Variants in FOXK1 observed in about 807,000 individuals in gnomAD.
FOXK1 encodes forkhead box K1.
In FOXK1, 19 loss-of-function variants were observed where a neutral mutation model predicts 51.9. That is an observed-to-expected ratio of 0.37 (90% confidence interval 0.26 to 0.54). FOXK1 has a LOEUF of 0.54. Ranked by LOEUF, FOXK1 falls within the 20% of genes least tolerant of loss-of-function variation. The pLI, the probability that FOXK1 is intolerant of heterozygous loss-of-function variation, is 0.87. For synonymous variants in FOXK1, 537 were observed against 482.6 expected, an observed-to-expected ratio of 1.11 and a Z score of -1.48; for missense variants, 870 against 1,032.7, an observed-to-expected ratio of 0.84 and a Z score of 2.16.
rs932808319 is a variant in FOXK1 at position 4,745,202 on chromosome 7, G to A, written c.746+4179G>A. Among the ~76,000 whole-genome samples, 6 of 152,116 alleles carry A rather than the reference G, an allele frequency of 3.9e-5. No homozygotes were observed. The highest frequency in any genetic ancestry group is 6.5e-5 in the Admixed American group (1 of 15,278). On this transcript the variant is annotated intron_variant, in intron 2 of 8. Transcript: ENST00000328914. The surrounding 1 kb of genome is among the most constrained non-coding windows in gnomAD (Gnocchi z 4.3). ...CCCCTCCCAGTGCCGCCCCGCCCCC[G>A]CGGTGCCTGCCTTCCTAATTTGGTG...
intron 2 of FOXK1, among the ~76,000 whole-genome samples, chr7:4,751,480 G>T (rs559895524): frequency 6.6e-6 from 1 of 152,340 alleles, no homozygotes; most frequent in East Asian, 1.9e-4. Context: ...CCCTGGCTGG[G>T]CGCCCTCAGA....
intron 1 of FOXK1, among the ~76,000 whole-genome samples, chr7:4,698,437 C>A (rs1362333645): frequency 6.6e-6 from 1 of 151,912 alleles, no homozygotes; most frequent in African/African-American, 2.4e-5. Context: ...CACACCTACC[C>A]CAGGACACCC....
At position 4,762,568 on chromosome 7, in the gene FOXK1, G is replaced by A. The variant is rs569231049; in HGVS notation, c.*104G>A. 3.1e-5 allele frequency: 37 copies of A among 1,197,162 alleles called. No homozygotes were observed. The highest frequency in any genetic ancestry group is 2.0e-4 in the African/African-American group (13 of 65,072). 74.2% of individuals were successfully genotyped at this position (1,197,162 alleles called of 1,614,324 possible). ...CCACAGACGGAGGAGAACAGCCCGCGGCGGCCTGTGGGCATCGGCGGCACC... is the reference window on the plus strand; with the variant it reads ...CCACAGACGGAGGAGAACAGCCCGCAGCGGCCTGTGGGCATCGGCGGCACC... On this transcript the variant is annotated 3_prime_UTR_variant, in exon 9 of 9. Coordinates refer to ENST00000328914, the MANE Select transcript of FOXK1 (RefSeq NM_001037165.2). This position sits in a 1 kb window ranked among gnomAD's most constrained non-coding sequence, Gnocchi z 5.7.
At chr7:4,740,384 C>A (rs540269483) in intron 1 of FOXK1, among the ~76,000 whole-genome samples, 1 of 150,264 alleles carries the variant, frequency 6.7e-6, no homozygotes, top group Admixed American at 6.7e-5. Flanking sequence ...GAGCTGAGAT[C>A]GTGTCCCTGC....
chr7:4,749,256 TCTC>T lies in FOXK1; in HGVS notation c.747-5198_747-5196del, dbSNP rs1470692326. On this transcript the variant is annotated intron_variant, in intron 2 of 8. Coordinates refer to ENST00000328914, the MANE Select transcript of FOXK1 (RefSeq NM_001037165.2). This position sits in a 1 kb window ranked among gnomAD's most constrained non-coding sequence, Gnocchi z 6.0. ...CCCTAGGGACGGGAACCATGTTTCA[TCTC>T]CTCCCAAGCTCCCGTAGGCTTCCCT... 1.3e-5 allele frequency among the ~76,000 whole-genome samples: 2 copies of T among 152,180 alleles called. No individual in the cohort carries two copies. Among genetic ancestry groups the T allele is most frequent in the Non-Finnish European group, 2.9e-5 (2 of 68,026 alleles).
chr7:4,690,355 A>T (rs907495642), intron 1 of FOXK1, among the ~76,000 whole-genome samples: 1 of 152,268 alleles, frequency 6.6e-6, no homozygotes, highest in African/African-American at 2.4e-5. Flanking sequence ...CGGCATCTCC[A>T]AATAAAGGCT....
chr7:4,686,250 G>T (rs1194318116), intron 1 of FOXK1, among the ~76,000 whole-genome samples: 2 of 152,166 alleles, frequency 1.3e-5, no homozygotes, highest in Non-Finnish European at 2.9e-5. Context: ...GGTCTATGTT[G>T]TGTTGGTGCC....
rs1310948870 is a variant in FOXK1 at position 4,729,441 on chromosome 7, G to A, written c.561-11397G>A. On this transcript the variant is annotated intron_variant, in intron 1 of 8. Coordinates refer to ENST00000328914, the MANE Select transcript of FOXK1 (RefSeq NM_001037165.2). This position sits in a 1 kb window ranked among gnomAD's most constrained non-coding sequence, Gnocchi z 6.2. Reference sequence around the variant, plus strand: ...CACCTACCAGATGAGCGTTCCTTCCGCGAAGGGAAGGTGGGGGGATTTTGA... The same window carrying A: ...CACCTACCAGATGAGCGTTCCTTCCACGAAGGGAAGGTGGGGGGATTTTGA... Among the ~76,000 whole-genome samples the A allele has an allele frequency of 6.6e-6, 1 of 152,176 alleles. No homozygotes were observed. The highest frequency in any genetic ancestry group is 1.9e-4 in the East Asian group (1 of 5,174).
At chr7:4,691,721 C>T (rs976961610) in intron 1 of FOXK1, among the ~76,000 whole-genome samples, 1 of 152,150 alleles carries the variant, frequency 6.6e-6, no homozygotes, top group Non-Finnish European at 1.5e-5. Context: ...GGTGAACTGT[C>T]TTCCATCTGT....
chr7:4,745,190 C>T lies in FOXK1; in HGVS notation c.746+4167C>T, dbSNP rs1379410447. Among the ~76,000 whole-genome samples, 1 of 152,324 alleles carries T rather than the reference C, an allele frequency of 6.6e-6. No homozygotes were observed. The highest frequency in any genetic ancestry group is 2.4e-5 in the African/African-American group (1 of 41,588). ...CTGCAAGGCTGTCCCCTCCCAGTGC[C>T]GCCCCGCCCCCGCGGTGCCTGCCTT... On this transcript the variant is annotated intron_variant, in intron 2 of 8. Coordinates refer to ENST00000328914, the MANE Select transcript of FOXK1 (RefSeq NM_001037165.2). This position sits in a 1 kb window ranked among gnomAD's most constrained non-coding sequence, Gnocchi z 4.3.
intron 1 of FOXK1, among the ~76,000 whole-genome samples, chr7:4,684,563 TTC>T (rs903904888): frequency 2.0e-5 from 3 of 152,108 alleles, no homozygotes; most frequent in African/African-American, 7.2e-5. Context: ...TATTAGTGTG[TTC>T]TCTCTCTTCC....
intron 2 of FOXK1, among the ~76,000 whole-genome samples, chr7:4,741,980 T>A (rs1024103995): frequency 1.3e-5 from 2 of 152,272 alleles, no homozygotes; most frequent in African/African-American, 4.8e-5. Flanking sequence ...TCATACATTC[T>A]TTAATGATTT....
intron 1 of FOXK1, among the ~76,000 whole-genome samples, chr7:4,690,831 G>C (rs1779881247): frequency 6.6e-6 from 1 of 152,214 alleles, no homozygotes; most frequent in African/African-American, 2.4e-5. Context: ...TGCATCTTGT[G>C]AATGTCAGAG....
At position 4,704,135 on chromosome 7, in the gene FOXK1, G is replaced by A. The variant is rs548775951; in HGVS notation, c.560+21267G>A. On this transcript the variant is annotated intron_variant, in intron 1 of 8. Coordinates refer to ENST00000328914, the MANE Select transcript of FOXK1 (RefSeq NM_001037165.2). ...GGACATTTTTCATTTAAAGGTGAAA[G>A]ATTTTTTAAAATGCATTGCTAAGAA... is the stretch of plus-strand genomic sequence containing the variant. 1.3e-5 allele frequency among the ~76,000 whole-genome samples: 2 copies of A among 152,258 alleles called. 1 individual carries two copies. The highest frequency in any genetic ancestry group is 4.1e-4 in the South Asian group (2 of 4,828).
chr7:4,691,022 T>C (rs1779884953), intron 1 of FOXK1, among the ~76,000 whole-genome samples: 1 of 152,230 alleles, frequency 6.6e-6, no homozygotes, highest in South Asian at 2.1e-4. Flanking sequence ...TAATTTTCAT[T>C]GCGACTATTA....
rs142177422 is a variant in FOXK1 at position 4,748,206 on chromosome 7, G to A, written c.747-6253G>A. ...GAAAGTGAAAATTCCCCCACACAAC[G>A]CTCCCCAGAGCTGAGCCCTTCTCTC... On this transcript the variant is annotated intron_variant, in intron 2 of 8. Transcript: ENST00000328914. The surrounding 1 kb of genome is among the most constrained non-coding windows in gnomAD (Gnocchi z 4.9). 7.2e-4 allele frequency among the ~76,000 whole-genome samples: 109 copies of A among 152,058 alleles called. No individual in the cohort carries two copies. In the Middle Eastern group the frequency reaches 0.014, roughly 19 times the overall value.
Position 4,763,507 on chromosome 7 carries a change from T to C in FOXK1, c.*1043T>C, listed in dbSNP as rs1780966300. ...TGTTTTCAATTGGAACCATTTCTCC[T>C]GCCTGAAACTCCAGGGCCCCTCCCT... On this transcript the variant is annotated 3_prime_UTR_variant, in exon 9 of 9. Transcript: ENST00000328914. 6 of 152,408 alleles carry C rather than the reference T, an allele frequency of 3.9e-5. No individual in the cohort carries two copies. The highest frequency in any genetic ancestry group is 3.9e-4 in the Admixed American group (6 of 15,288). 9.4% of individuals were successfully genotyped at this position (152,408 alleles called of 1,614,324 possible). A position where few individuals can be genotyped will look rare whatever the true frequency, so the allele number is the denominator to read the frequency against.
chr7:4,684,042 C>A (rs1464963189), intron 1 of FOXK1, among the ~76,000 whole-genome samples: 1 of 152,152 alleles, frequency 6.6e-6, no homozygotes, highest in East Asian at 1.9e-4. Context: ...CTGTCGGTGC[C>A]TTTGGTAGCA....
At chr7:4,742,214 T>A (rs1780643167) in intron 2 of FOXK1, among the ~76,000 whole-genome samples, 1 of 152,202 alleles carries the variant, frequency 6.6e-6, no homozygotes, top group African/African-American at 2.4e-5. Flanking sequence ...TGACCTCACA[T>A]ATACCCTGAA....
Sources: gnomAD v4.1 joint callset for allele counts (sites outside exome capture counted in the v4.1 genomes callset) on GRCh38, gnomAD v4.1.1 for gene constraint, Gnocchi (gnomAD v3.1) non-coding constraint, MANE v1.5 for transcripts, NCBI Gene and HGNC (gene_info 2026-07-23, HGNC 2026-07-21) for gene names.